OR6N1: variants seen among roughly 807,000 people sequenced by gnomAD.
OR6N1 encodes the protein olfactory receptor family 6 subfamily N member 1.
For missense variants in OR6N1, 394 were observed against 371.7 expected, an observed-to-expected ratio of 1.06 and a Z score of -0.49; for synonymous variants, 170 against 150.7, an observed-to-expected ratio of 1.13 and a Z score of -0.94.
At chr1:158,828,976 TACAGTAGCC>T in the OR6N1 span, among the ~76,000 whole-genome samples, 1 of 152,222 alleles carries the variant, frequency 6.6e-6, no homozygotes, top group African/African-American at 2.4e-5. Context: ...GTGCAAGCTC[TACAGTAGCC>T]CCCTTCAGCC....
chr1:158,786,814 T>C, the OR6N1 span, among the ~76,000 whole-genome samples: 1 of 152,014 alleles, frequency 6.6e-6, no homozygotes, highest in Non-Finnish European at 1.5e-5. Flanking sequence ...GGCATAAGAA[T>C]GACACAATGG....
At chr1:158,818,317 C>A in the OR6N1 span, among the ~76,000 whole-genome samples, 1 of 152,146 alleles carries the variant, frequency 6.6e-6, no homozygotes, top group African/African-American at 2.4e-5. Flanking sequence ...TGGTATTCTA[C>A]TAACGTTGGC....
chr1:158,826,152 A>G, the OR6N1 span, among the ~76,000 whole-genome samples: 1 of 152,166 alleles, frequency 6.6e-6, no homozygotes, highest in Non-Finnish European at 1.5e-5. Flanking sequence ...ATATTAAAAA[A>G]AAAAAACCTA....
At chr1:158,812,955 A>G in the OR6N1 span, among the ~76,000 whole-genome samples, 1 of 152,210 alleles carries the variant, frequency 6.6e-6, no homozygotes, top group Non-Finnish European at 1.5e-5. Context: ...TTAATTTGGA[A>G]TGGGGGAAAC....
chr1:158,794,041 T>C, the OR6N1 span, among the ~76,000 whole-genome samples: 1 of 152,184 alleles, frequency 6.6e-6, no homozygotes, highest in African/African-American at 2.4e-5. Context: ...TGATGTTCTA[T>C]GTAGAGGGCG....
Position 158,766,406 on chromosome 1 carries a change from A to T in OR6N1, c.277T>A (p.Ser93Thr), listed in dbSNP as rs769869068. The T allele has an allele frequency of 6.2e-7, 1 of 1,614,164 alleles. No homozygotes were observed. Among genetic ancestry groups the T allele is most frequent in the South Asian group, 1.1e-5 (1 of 91,080 alleles). Reference protein sequence around the residue: ...ANLLSEKKTISFSGCLLQIYF... With the variant: ...ANLLSEKKTITFSGCLLQIYF... ...ATCTGCAGGAGACACCCAGAGAATG[A>T]AATGGTCTTTTTCTCACTGAGCAAG... The change falls in exon 2 of 2, where the codon TCA (serine) becomes ACA (threonine). Residue 93 changes from serine (S) to threonine (T), a missense_variant. Ser to Thr is a moderately conservative substitution (Grantham distance 58, BLOSUM62 1). Coordinates refer to ENST00000641846, the MANE Select transcript of OR6N1 (RefSeq NM_001005185.2).
the OR6N1 span, among the ~76,000 whole-genome samples, chr1:158,825,744 T>C: frequency 6.6e-6 from 1 of 152,136 alleles, no homozygotes; most frequent in Admixed American, 6.5e-5. Context: ...TAAAACAGAA[T>C]TACCATTTGA....
chr1:158,771,785 G>C (rs888101784), intron 1 of OR6N1, among the ~76,000 whole-genome samples: 1 of 152,330 alleles, frequency 6.6e-6, no homozygotes, highest in African/African-American at 2.4e-5. Flanking sequence ...ACTTGTTCCA[G>C]TTTACACAGT....
the OR6N1 span, among the ~76,000 whole-genome samples, chr1:158,798,775 G>C: frequency 6.6e-6 from 1 of 152,064 alleles, no homozygotes; most frequent in East Asian, 1.9e-4. Context: ...ATTCCTAAGG[G>C]GAGAGATTTC....
chr1:158,815,535 T>A, the OR6N1 span, among the ~76,000 whole-genome samples: 1 of 152,172 alleles, frequency 6.6e-6, no homozygotes, highest in Non-Finnish European at 1.5e-5. Context: ...ATACACAGGA[T>A]GCTCCAGGGT....
the OR6N1 span, among the ~76,000 whole-genome samples, chr1:158,795,370 G>A: frequency 6.6e-6 from 1 of 152,168 alleles, no homozygotes; most frequent in Non-Finnish European, 1.5e-5. Flanking sequence ...CTCCTGGTTT[G>A]CTCATAACAC....
chr1:158,776,979 T>C, upstream of OR6N1: 1 of 1,614,128 alleles, frequency 6.2e-7, no homozygotes, highest in South Asian at 1.1e-5. Flanking sequence ...CAATGATCCT[T>C]GCATAAGAAA....
rs1320062520 is a variant in OR6N1 at position 158,764,414 on chromosome 1, A to G, written c.*1330T>C. The stretch of plus-strand genomic sequence containing the variant: ...ATATTTATATTCTCAACTCTTTTAA[A>G]ACACCCTAAAGGTAGGACCTGGACA... On this transcript the variant is annotated 3_prime_UTR_variant, in exon 2 of 2. Transcript: ENST00000641846. 1 of 151,840 alleles carries G rather than the reference A, an allele frequency of 6.6e-6. No homozygotes were observed. Among genetic ancestry groups the G allele is most frequent in the Non-Finnish European group, 1.5e-5 (1 of 67,914 alleles). The allele number at this position is 151,840 out of a possible 1,614,324, so 9.4% of individuals were successfully genotyped here.
At chr1:158,823,087 G>C in the OR6N1 span, among the ~76,000 whole-genome samples, 1 of 152,102 alleles carries the variant, frequency 6.6e-6, no homozygotes, top group African/African-American at 2.4e-5. Context: ...CTAGTGTTTT[G>C]ATTTGATGCT....
At chr1:158,803,778 T>C in the OR6N1 span, among the ~76,000 whole-genome samples, 1 of 152,258 alleles carries the variant, frequency 6.6e-6, no homozygotes, top group Admixed American at 6.5e-5. Context: ...TTAGTGTAGA[T>C]ATGCGTACTA....
At chr1:158,767,539 G>T (rs1396534658) in intron 1 of OR6N1, among the ~76,000 whole-genome samples, 1 of 152,034 alleles carries the variant, frequency 6.6e-6, no homozygotes, top group Non-Finnish European at 1.5e-5. Flanking sequence ...CAGTACTCTG[G>T]GCATTATACT....
chr1:158,833,430 C>A, the OR6N1 span, among the ~76,000 whole-genome samples: 1 of 152,196 alleles, frequency 6.6e-6, no homozygotes, highest in Non-Finnish European at 1.5e-5. Flanking sequence ...ACCTCCAGAA[C>A]GCCTTTGCAT....
At chr1:158,838,660 C>T in the OR6N1 span, among the ~76,000 whole-genome samples, 16 of 152,172 alleles carry the variant, frequency 1.1e-4, no homozygotes, top group African/African-American at 3.4e-4. Flanking sequence ...TCCTTATTTA[C>T]TCAATAATTT....
chr1:158,836,536 A>T, the OR6N1 span, among the ~76,000 whole-genome samples: 1 of 151,892 alleles, frequency 6.6e-6, no homozygotes, highest in Admixed American at 6.6e-5. Context: ...TGTTCAAAGT[A>T]TTCTCTTTAT....
Sources: gnomAD v4.1 joint callset for allele counts (sites outside exome capture counted in the v4.1 genomes callset) on GRCh38, gnomAD v4.1.1 for gene constraint, MANE v1.5 for transcripts, NCBI Gene and HGNC (gene_info 2026-07-23, HGNC 2026-07-21) for gene names.